Variants in BOC observed in about 807,000 individuals in gnomAD.
BOC encodes BOC cell adhesion associated, oncogene regulated.
In BOC, 76 loss-of-function variants were observed where a neutral mutation model predicts 112.0. The observed-to-expected ratio is 0.68, with a 90% CI of 0.56 to 0.82. The LOEUF (loss-of-function observed/expected upper bound fraction) is 0.82, where lower values mean the gene tolerates loss of function less well. BOC is among the 40% of genes least tolerant of loss of function. BOC has a pLI of 0.00. For missense variants in BOC, 1,309 were observed against 1,511.7 expected (o/e 0.87, Z 2.22); for synonymous variants, 580 against 599.8 (o/e 0.97, Z 0.48).
At chr3:113,222,282 A>AT (rs1415379914) in intron 2 of BOC, among the ~76,000 whole-genome samples, 13 of 150,116 alleles carry the variant, frequency 8.7e-5, no homozygotes, top group African/African-American at 1.2e-4. Flanking sequence ...TGGTGCTCAC[A>AT]TTTTTTTTTC....
chr3:113,213,126 A>G (rs1479785860), intron 1 of BOC, among the ~76,000 whole-genome samples: 1 of 152,170 alleles, frequency 6.6e-6, no homozygotes, highest in African/African-American at 2.4e-5. Context: ...GAAACCACAC[A>G]CCAGCAATCC....
At chr3:113,224,502 C>G (rs1941313504) in intron 2 of BOC, among the ~76,000 whole-genome samples, 2 of 151,118 alleles carry the variant, frequency 1.3e-5, no homozygotes, top group Non-Finnish European at 1.5e-5. Context: ...TGAGGAATCT[C>G]TTCCAAGCCC....
At chr3:113,225,624 T>C (rs1240437867) in intron 2 of BOC, among the ~76,000 whole-genome samples, 1 of 152,264 alleles carries the variant, frequency 6.6e-6, no homozygotes, top group Non-Finnish European at 1.5e-5. Flanking sequence ...TAATATTACA[T>C]GTCCCAGGTT....
chr3:113,285,074 C>A (rs988885612), intron 18 of BOC, among the ~76,000 whole-genome samples: 1 of 152,282 alleles, frequency 6.6e-6, no homozygotes, highest in African/African-American at 2.4e-5. Context: ...GGCTTGGCAT[C>A]TCGGAATCCT....
chr3:113,242,965 T>A (rs183614430), intron 2 of BOC, among the ~76,000 whole-genome samples: 3 of 152,202 alleles, frequency 2.0e-5, no homozygotes, highest in African/African-American at 7.2e-5. Flanking sequence ...TTGCTAATAT[T>A]TAATATAGGG....
At chr3:113,230,847 A>G (rs1293640067) in intron 2 of BOC, among the ~76,000 whole-genome samples, 1 of 152,234 alleles carries the variant, frequency 6.6e-6, no homozygotes, top group Non-Finnish European at 1.5e-5. Context: ...CAACATGACT[A>G]TTTCAGCAAA....
chr3:113,219,428 G>A (rs183024269), intron 2 of BOC, among the ~76,000 whole-genome samples: 1 of 152,340 alleles, frequency 6.6e-6, no homozygotes, highest in African/African-American at 2.4e-5. Context: ...GCAGTCCTGG[G>A]AAAATGGGCA....
At chr3:113,270,760 T>C in intron 5 of BOC, 41 bp from the exon 6 acceptor site, 1 of 1,575,258 alleles carries the variant, frequency 6.3e-7, no homozygotes, top group Non-Finnish European at 8.6e-7. Context: ...TGAAGTATTC[T>C]GGACCCATCC....
intron 2 of BOC, among the ~76,000 whole-genome samples, chr3:113,243,080 G>A (rs933722117): frequency 4.6e-5 from 7 of 152,076 alleles, no homozygotes; most frequent in South Asian, 2.1e-4. Context: ...GGCCTCACTC[G>A]TTCATTCACT....
intron 2 of BOC, among the ~76,000 whole-genome samples, chr3:113,240,533 A>G (rs1944158365): frequency 6.6e-6 from 1 of 152,174 alleles, no homozygotes; most frequent in South Asian, 2.1e-4. Context: ...GGAACCATTT[A>G]TTGAGCTCCT....
intron 5 of BOC, chr3:113,269,289 T>C (rs1345385105): frequency 6.6e-6 from 1 of 152,166 alleles, no homozygotes; most frequent in Non-Finnish European, 1.5e-5. Context: ...CGGCAGCAGG[T>C]CTAGGGAAGC....
chr3:113,278,392 C>T lies in BOC; in HGVS notation c.1705+135C>T, dbSNP rs1948861314. On this transcript the variant is annotated intron_variant, in intron 10 of 19. Transcript: ENST00000682979. This position sits in a 1 kb window ranked among gnomAD's most constrained non-coding sequence, Gnocchi z 4.2. ...TCATCTTTCCTTCCAGCTACTGCCT[C>T]CTTGTGGTTTGTGTGCTAGGCTGAG... The T allele has an allele frequency of 5.4e-6, 6 of 1,103,002 alleles. No individual in the cohort carries two copies. Among genetic ancestry groups the T allele is most frequent in the Non-Finnish European group, 7.8e-6 (6 of 767,688 alleles). The allele number at this position is 1,103,002 out of a possible 1,614,324, so 68.3% of individuals were successfully genotyped here.
intron 13 of BOC, 42 bp from the exon 14 acceptor site, chr3:113,280,516 T>C (rs1406320385): frequency 7.1e-7 from 1 of 1,417,516 alleles, no homozygotes; most frequent in South Asian, 1.2e-5. Context: ...GATGATGTTT[T>C]CTCTGCCCAT....
In BOC at chr3:113,284,394, A is replaced by G. The variant is rs746139797; in HGVS notation, c.2716A>G (p.Met906Val). Residue 906 changes from methionine (M) to valine (V), a missense_variant, in exon 17 of 20, where the codon ATG becomes GTG. Physicochemically the swap from Met to Val is conservative, Grantham distance 21 (BLOSUM62 1). Coordinates refer to ENST00000682979, the MANE Select transcript of BOC (RefSeq NM_001378074.1). ...CCTTCCACCCTCCTGCCCGTATACT[A>G]TGGTGCCATTGGGAGGACTCCCAGG... The part of the protein sequence containing the change: ...SALPPSCPYT[M>V]VPLGGLPGHQ... 1.5e-5 allele frequency: 24 copies of G among 1,614,090 alleles called. No individual in the cohort carries two copies. Among genetic ancestry groups the G allele is most frequent in the Non-Finnish European group, 1.9e-5 (22 of 1,180,042 alleles).
In BOC at chr3:113,272,482, G is replaced by C; in HGVS notation, c.740G>C (p.Ser247Thr). The change falls in exon 7 of 20, where the codon AGT becomes ACT. Residue 247 changes from serine (S) to threonine (T), a missense_variant. Ser to Thr is a moderately conservative substitution (Grantham distance 58). Transcript: ENST00000682979. ...AQTIIVTKGQ[S>T]LILECVASGI... ...ACCATCATCGTCACCAAAGGCCAGA[G>C]TCTCATTCTGGAGTGTGTGGCCAGT... is the stretch of plus-strand genomic sequence containing the variant. 6.2e-7 allele frequency: 1 copy of C among 1,614,136 alleles called. No homozygotes were observed. Among genetic ancestry groups the C allele is most frequent in the Non-Finnish European group, 8.5e-7 (1 of 1,180,024 alleles).
At position 113,212,028 on chromosome 3, in the gene BOC, C is replaced by T. The variant is rs903307554; in HGVS notation, c.-170+12C>T. 2.0e-5 allele frequency: 3 copies of T among 152,218 alleles called. No homozygotes were observed. The highest frequency in any genetic ancestry group is 4.4e-5 in the Non-Finnish European group (3 of 68,078). The allele number at this position is 152,218 out of a possible 1,614,324, so 9.4% of individuals were successfully genotyped here. On this transcript the variant is annotated intron_variant, in intron 1 of 19. Transcript: ENST00000682979. ...CGGCTGCAGCAGAGGTGAGTCACGT[C>T]GCTGAAGTTTGTTTTCTTTTCATAA...
chr3:113,261,285 G>A (rs1946845483), intron 4 of BOC, among the ~76,000 whole-genome samples: 1 of 152,170 alleles, frequency 6.6e-6, no homozygotes, highest in Non-Finnish European at 1.5e-5. Flanking sequence ...CAGACCACCA[G>A]GACTCACATT....
chr3:113,218,974 C>T (rs1940035118), intron 2 of BOC, among the ~76,000 whole-genome samples: 2 of 152,198 alleles, frequency 1.3e-5, no homozygotes, highest in Non-Finnish European at 2.9e-5. Flanking sequence ...GGCAACCAGT[C>T]CCTTTGTCAC....
chr3:113,265,474 C>G (rs1347137135), intron 4 of BOC, among the ~76,000 whole-genome samples: 1 of 152,160 alleles, frequency 6.6e-6, no homozygotes, highest in East Asian at 1.9e-4. Context: ...CAATCACTCA[C>G]AGCTCACAAT....
Sources: allele counts gnomAD v4.1 joint callset (sites outside exome capture counted in the v4.1 genomes callset), GRCh38; gene constraint gnomAD v4.1.1; non-coding constraint Gnocchi (gnomAD v3.1); transcripts MANE v1.5; gene names NCBI Gene and HGNC (gene_info 2026-07-23, HGNC 2026-07-21).